Variants in CENPP observed in about 807,000 individuals in gnomAD.
The protein encoded by CENPP is centromere protein P.
A neutral mutation model predicts 35.6 loss-of-function variants in CENPP; 24 were observed. The observed-to-expected ratio is 0.67, with a 90% confidence interval of 0.49 to 0.95. The LOEUF (loss-of-function observed/expected upper bound fraction) is 0.95, where lower values mean the gene tolerates loss of function less well. CENPP is among the 40% of genes least tolerant of loss of function. The pLI, the probability that CENPP is intolerant of heterozygous loss-of-function variation, is 0.00. For synonymous variants in CENPP, 120 were observed against 125.5 expected, an observed-to-expected ratio of 0.96 and a Z score of 0.29; for missense variants, 332 against 345.3, an observed-to-expected ratio of 0.96 and a Z score of 0.31.
chr9:92,506,160 G>A (rs1846997417), intron 5 of CENPP, among the ~76,000 whole-genome samples: 1 of 152,178 alleles, frequency 6.6e-6, no homozygotes, highest in Non-Finnish European at 1.5e-5. Context: ...GAAGTTTAAT[G>A]CAATGAATGA....
At chr9:92,511,972 G>T in intron 5 of CENPP, 1 of 1,456,714 alleles carries the variant, frequency 6.9e-7, no homozygotes, top group Non-Finnish European at 9.5e-7. Flanking sequence ...TCATAGTGAA[G>T]CCATTCATCC....
Position 92,352,508 on chromosome 9 carries a change from TACA to T in CENPP, c.467+6722_467+6724del, listed in dbSNP as rs1564274053. ...GTGTGTGTGTGTGTGTGTGTGTGTATACATATATATATATATATATATATATAT... is the reference window on the plus strand; with the variant it reads ...GTGTGTGTGTGTGTGTGTGTGTGTATTATATATATATATATATATATATAT... On this transcript the variant is annotated intron_variant, in intron 4 of 7. Transcript: ENST00000375587. Among the ~76,000 whole-genome samples the T allele has an allele frequency of 1.3e-3, 124 of 92,568 alleles. 2 individuals carry two copies. The highest frequency in any genetic ancestry group is 6.4e-3 in the African/African-American group (111 of 17,478). 60.7% of individuals were successfully genotyped at this position (92,568 alleles called of 152,430 possible).
At chr9:92,456,837 A>T in intron 5 of CENPP, 7 of 477,640 alleles carry the variant, frequency 1.5e-5, no homozygotes, top group Non-Finnish European at 1.9e-5. Flanking sequence ...AAGTTACTAA[A>T]GAATAAGAAT....
At chr9:92,332,146 T>A (rs371270268) in intron 1 of CENPP, 24 bp from the exon 2 acceptor site, 20 of 1,526,388 alleles carry the variant, frequency 1.3e-5, no homozygotes, top group Non-Finnish European at 9.8e-6. Flanking sequence ...ATTGGAGTGA[T>A]TATTTTTGAT....
chr9:92,422,211 T>A (rs918186907), intron 5 of CENPP, among the ~76,000 whole-genome samples: 2 of 152,010 alleles, frequency 1.3e-5, no homozygotes, highest in African/African-American at 4.8e-5. Flanking sequence ...CCACCACGAC[T>A]GGCTACATTT....
intron 5 of CENPP, among the ~76,000 whole-genome samples, chr9:92,387,139 A>C (rs1185912787): frequency 1.3e-5 from 2 of 151,624 alleles, no homozygotes; most frequent in African/African-American, 4.8e-5. Context: ...TTGAGAGGTC[A>C]ATGTGGGTGG....
At chr9:92,534,820 A>G (rs530420570) in intron 5 of CENPP, among the ~76,000 whole-genome samples, 12 of 152,198 alleles carry the variant, frequency 7.9e-5, no homozygotes, top group South Asian at 2.1e-4. Flanking sequence ...GTGCTCTGCA[A>G]TGCATGAAAT....
In CENPP at chr9:92,615,820, G is replaced by A; in HGVS notation, c.*2671G>A. On this transcript the variant is annotated 3_prime_UTR_variant, in exon 8 of 8. Transcript: ENST00000375587. ...ATTATGTTCAAGTTTCAAAGACACT[G>A]CAGGGAAAGAGTTAGACCTTGTGGA... The A allele has an allele frequency of 6.3e-7, 1 of 1,582,828 alleles. No homozygotes were observed. Among genetic ancestry groups the A allele is most frequent in the Non-Finnish European group, 8.7e-7 (1 of 1,151,624 alleles).
intron 5 of CENPP, among the ~76,000 whole-genome samples, chr9:92,444,179 T>G (rs935771491): frequency 6.7e-4 from 102 of 152,322 alleles, no homozygotes; most frequent in African/African-American, 2.4e-3. Context: ...TTAATCAAAT[T>G]ATAATCATAG....
chr9:92,455,732 T>C (rs1844854548), intron 5 of CENPP, among the ~76,000 whole-genome samples: 2 of 152,244 alleles, frequency 1.3e-5, no homozygotes, highest in South Asian at 4.1e-4. Flanking sequence ...TTACATGGTG[T>C]ATTGTTATTA....
At chr9:92,473,287 G>T (rs1344137452) in intron 5 of CENPP, among the ~76,000 whole-genome samples, 1 of 152,232 alleles carries the variant, frequency 6.6e-6, no homozygotes, top group East Asian at 1.9e-4. Context: ...GCCAGCACGT[G>T]GGGGTGGTCT....
chr9:92,563,822 G>A (rs1036373556), intron 5 of CENPP, among the ~76,000 whole-genome samples: 3 of 146,392 alleles, frequency 2.0e-5, no homozygotes, highest in African/African-American at 2.6e-5. Flanking sequence ...GTGGGGTGGT[G>A]TGAACATGAT....
chr9:92,474,165 A>G (rs181641171), intron 5 of CENPP, among the ~76,000 whole-genome samples: 28 of 152,376 alleles, frequency 1.8e-4, no homozygotes, highest in Non-Finnish European at 3.1e-4. Context: ...TTTAAACCCA[A>G]ATTGCTAAAA....
chr9:92,580,479 C>A (rs1413901484), intron 5 of CENPP, among the ~76,000 whole-genome samples: 74 of 152,200 alleles, frequency 4.9e-4, no homozygotes, highest in African/African-American at 1.7e-3. Flanking sequence ...ACAATTTCAG[C>A]TCCTGTTATT....
chr9:92,408,896 CTG>C (rs1843375743), intron 5 of CENPP, among the ~76,000 whole-genome samples: 1 of 152,004 alleles, frequency 6.6e-6, no homozygotes, highest in Non-Finnish European at 1.5e-5. Context: ...TGTGGAAAGT[CTG>C]TGGTTTGGAT....
chr9:92,619,841 C>T lies in CENPP; in HGVS notation c.*6692C>T, dbSNP rs987412819. On this transcript the variant is annotated 3_prime_UTR_variant, in exon 8 of 8. Transcript: ENST00000375587. ...GGGACCCCGACTCCAGACCCTGAGA[C>T]GGATGATCTGTCTTCAGCAAGGTCA... The T allele has an allele frequency of 7.2e-5, 35 of 483,798 alleles. No individual in the cohort carries two copies. The highest frequency in any genetic ancestry group is 4.2e-4 in the South Asian group (17 of 40,750). The allele number at this position is 483,798 out of a possible 1,614,324, so 30.0% of individuals were successfully genotyped here.
chr9:92,348,187 GA>G (rs1841349639), intron 4 of CENPP, among the ~76,000 whole-genome samples: 1 of 148,248 alleles, frequency 6.7e-6, no homozygotes, highest in Non-Finnish European at 1.5e-5. Flanking sequence ...TTGAACTCCC[GA>G]CCTCAAATGA....
intron 3 of CENPP, among the ~76,000 whole-genome samples, chr9:92,344,611 G>A (rs1181724075): frequency 5.3e-5 from 8 of 151,898 alleles, no homozygotes; most frequent in African/African-American, 1.9e-4. Context: ...GCAGTGGCAC[G>A]ATCTTGGCTC....
chr9:92,566,292 T>A, intron 5 of CENPP, among the ~76,000 whole-genome samples: 1 of 146,142 alleles, frequency 6.8e-6, no homozygotes, highest in Non-Finnish European at 1.5e-5. Context: ...AGAGTGAGTC[T>A]CCATCTCAAA....
Sources: allele counts gnomAD v4.1 joint callset (sites outside exome capture counted in the v4.1 genomes callset), GRCh38; gene constraint gnomAD v4.1.1; transcripts MANE v1.5; gene names NCBI Gene and HGNC (gene_info 2026-07-23, HGNC 2026-07-21).